MTR: variants seen among roughly 807,000 people sequenced by gnomAD.
MTR encodes the protein methionine synthase.
A neutral mutation model predicts 154.8 loss-of-function variants in MTR; 84 were observed. That is an observed-to-expected ratio of 0.54 (90% CI 0.45 to 0.65). MTR has a LOEUF of 0.65. MTR is among the 30% of genes least tolerant of loss of function. The probability of loss-of-function intolerance (pLI) is 0.00; values close to 1 mark genes in which losing one functional copy is unlikely to be tolerated. For synonymous variants in MTR, 554 were observed against 553.9 expected (o/e 1.00, Z 0.00); for missense variants, 1,275 against 1,570.2 (o/e 0.81, Z 3.18).
intron 23 of MTR, 28 bp from the exon 24 acceptor site, chr1:236,874,698 C>CTT: frequency 1.5e-6 from 2 of 1,358,018 alleles, no homozygotes; most frequent in East Asian, 2.8e-5. Flanking sequence ...CCTTTTTGTC[C>CTT]TTTTTTTTTT....
chr1:236,892,643 T>C (rs1666392543), intron 29 of MTR, among the ~76,000 whole-genome samples: 2 of 152,206 alleles, frequency 1.3e-5, no homozygotes, highest in South Asian at 4.1e-4. Context: ...ATCCTTACCA[T>C]ATGCACTTAG....
chr1:236,874,850 A>G lies in MTR; in HGVS notation c.2594+4A>G, dbSNP rs1308323779. The G allele has an allele frequency of 1.2e-6, 2 of 1,613,772 alleles. No homozygotes were observed. The highest frequency in any genetic ancestry group is 1.3e-5 in the African/African-American group (1 of 75,032). On this transcript the variant is annotated splice_donor_region_variant and intron_variant, in intron 24 of 32. Transcript: ENST00000366577. ...TTGGAGGAGCAACCACTTCAAAGTA[A>G]GTTATACTAATGAGCTTTGTCCTCA...
intron 18 of MTR, among the ~76,000 whole-genome samples, chr1:236,856,511 C>CTTTCT (rs993188125): frequency 2.0e-5 from 3 of 150,214 alleles, no homozygotes; most frequent in Admixed American, 6.6e-5. Flanking sequence ...TGTTCTTCTT[C>CTTTCT]TTTCTTTTTT....
At position 236,900,431 on chromosome 1, in the gene MTR, T is replaced by C. The variant is rs1666869592; in HGVS notation, c.*2787T>C. The C allele has an allele frequency of 6.3e-6, 1 of 158,552 alleles. No homozygotes were observed. The highest frequency in any genetic ancestry group is 1.4e-5 in the Non-Finnish European group (1 of 72,320). The allele number at this position is 158,552 out of a possible 1,614,324, so 9.8% of individuals were successfully genotyped here. On this transcript the variant is annotated 3_prime_UTR_variant, in exon 33 of 33. Coordinates refer to ENST00000366577, the MANE Select transcript of MTR (RefSeq NM_000254.3). Reference sequence around the variant, plus strand: ...TATTAAAAAAAAAGAAGGTAACTGATAAACCAAAATTGAGCATAGTAATTA... The same window carrying C: ...TATTAAAAAAAAAGAAGGTAACTGACAAACCAAAATTGAGCATAGTAATTA...
Position 236,795,647 on chromosome 1 carries a change from C to T in MTR, c.-57C>T, listed in dbSNP as rs2102982612. On this transcript the variant is annotated 5_prime_UTR_variant, in exon 1 of 33. Transcript: ENST00000366577. ...TGGCGTGGCCCTTGGCCGTCGTCACCTGTGGAGAGCACGTCTTCTCTGCCG... is the reference window on the plus strand; with the variant it reads ...TGGCGTGGCCCTTGGCCGTCGTCACTTGTGGAGAGCACGTCTTCTCTGCCG... 1 of 1,611,870 alleles carries T rather than the reference C, an allele frequency of 6.2e-7. No homozygotes were observed. Among genetic ancestry groups the T allele is most frequent in the South Asian group, 1.1e-5 (1 of 91,046 alleles).
intron 19 of MTR, among the ~76,000 whole-genome samples, chr1:236,860,486 G>A (rs1241075926): frequency 6.6e-6 from 1 of 151,604 alleles, no homozygotes; most frequent in Non-Finnish European, 1.5e-5. Flanking sequence ...TGTGGAGCTA[G>A]TTGGCCAATC....
chr1:236,809,102 C>T (rs922671212), intron 4 of MTR, among the ~76,000 whole-genome samples: 1 of 152,208 alleles, frequency 6.6e-6, no homozygotes, highest in African/African-American at 2.4e-5. Context: ...ATCATCATGT[C>T]ATTAAAAGTA....
rs1661861774 is a variant in MTR, at chr1:236,820,427, A to G, written c.765-3692A>G. ...TGCCTATTCAGCAGTTTCCAGCTGA[A>G]GACTGGAGCACTCAGCCTGCCACGG... On this transcript the variant is annotated intron_variant, in intron 8 of 32. Transcript: ENST00000366577. 8 of 1,272,800 alleles carry G rather than the reference A, an allele frequency of 6.3e-6. No individual in the cohort carries two copies. The South Asian group carries it at 9.5e-5, about 15-fold the overall frequency. 78.8% of individuals were successfully genotyped at this position (1,272,800 alleles called of 1,614,324 possible). A position where few individuals can be genotyped will look rare whatever the true frequency, so the allele number is the denominator to read the frequency against.
At chr1:236,852,029 AAACT>A in intron 16 of MTR, among the ~76,000 whole-genome samples, 1 of 152,326 alleles carries the variant, frequency 6.6e-6, no homozygotes, top group Middle Eastern at 3.4e-3. Flanking sequence ...AGATAATGAC[AAACT>A]GTCTCCCTAG....
Position 236,835,640 on chromosome 1 carries a change from A to T in MTR, c.1282A>T (p.Met428Leu). The change falls in exon 14 of 33, where the codon ATG (methionine) becomes TTG (leucine). Residue 428 changes from methionine (M) to leucine (L), a missense_variant. Coordinates refer to ENST00000366577, the MANE Select transcript of MTR (RefSeq NM_000254.3). Reference sequence around the variant, plus strand: ...TGGCATGCTAGATGGTCCAAGTGCAATGACCAGATTTTGCAACTTAATTGC... The same window carrying T: ...TGGCATGCTAGATGGTCCAAGTGCATTGACCAGATTTTGCAACTTAATTGC... ...DDGMLDGPSA[M>L]TRFCNLIASE... is the part of the protein sequence containing the mutation. The T allele has an allele frequency of 6.2e-7, 1 of 1,611,214 alleles. No individual in the cohort carries two copies. The highest frequency in any genetic ancestry group is 8.5e-7 in the Non-Finnish European group (1 of 1,179,522).
At chr1:236,797,593 C>T (rs954771317) in intron 1 of MTR, among the ~76,000 whole-genome samples, 6 of 151,966 alleles carry the variant, frequency 3.9e-5, no homozygotes, top group Non-Finnish European at 5.9e-5. Context: ...CAGCCTAATT[C>T]TTCTCCGGCT....
chr1:236,824,533 A>AGTGG (rs1662170245), intron 9 of MTR, among the ~76,000 whole-genome samples: 1 of 152,052 alleles, frequency 6.6e-6, no homozygotes, highest in African/African-American at 2.4e-5. Flanking sequence ...GAGAAGAGAG[A>AGTGG]CCCCTTTCTC....
intron 2 of MTR, among the ~76,000 whole-genome samples, chr1:236,803,930 T>G (rs1660830076): frequency 6.6e-6 from 1 of 152,218 alleles, no homozygotes; most frequent in South Asian, 2.1e-4. Context: ...GTGAGAAAAC[T>G]ATCTTATTTA....
At chr1:236,876,987 C>T (rs377341941) in intron 24 of MTR, among the ~76,000 whole-genome samples, 3 of 152,344 alleles carry the variant, frequency 2.0e-5, no homozygotes, top group East Asian at 3.9e-4. Flanking sequence ...TGAGCCCTGC[C>T]TCTTCTGGTT....
At chr1:236,854,664 A>G (rs1664100830) in intron 18 of MTR, among the ~76,000 whole-genome samples, 1 of 152,180 alleles carries the variant, frequency 6.6e-6, no homozygotes, top group Admixed American at 6.5e-5. Flanking sequence ...CTGTGTTTTT[A>G]TCTTTTCCCT....
At chr1:236,855,824 C>A (rs1353719393) in intron 18 of MTR, among the ~76,000 whole-genome samples, 1 of 152,170 alleles carries the variant, frequency 6.6e-6, no homozygotes, top group Non-Finnish European at 1.5e-5. Flanking sequence ...GTGCCTGGGT[C>A]TGGTCTTCCT....
At chr1:236,863,299 T>G (rs1664652333) in intron 21 of MTR, among the ~76,000 whole-genome samples, 155 bp from the exon 22 acceptor site, 1 of 152,264 alleles carries the variant, frequency 6.6e-6, no homozygotes. Context: ...GTGGGCCTCC[T>G]TTGAACTGTT....
Position 236,859,871 on chromosome 1 carries a change from T to C in MTR, c.1992T>C (p.Asp664=). 2 of 1,614,020 alleles carry C rather than the reference T, an allele frequency of 1.2e-6. No individual in the cohort carries two copies. The highest frequency in any genetic ancestry group is 1.1e-5 in the South Asian group (1 of 91,082). The change falls in exon 19 of 33, where the codon GAT becomes GAC. Residue 664 remains aspartate, a synonymous_variant. Transcript: ENST00000366577. ...GTGGKKVIQT[D]EWRNGPVEER... is the part of the protein sequence containing the mutation. ...GAGGGAAGAAAGTCATTCAGACTGATGAGTGGAGAAATGGCCCTGTCGAAG... is the reference window on the plus strand; with the variant it reads ...GAGGGAAGAAAGTCATTCAGACTGACGAGTGGAGAAATGGCCCTGTCGAAG...
chr1:236,820,070 TTGCG>T, intron 8 of MTR: 1 of 780,432 alleles, frequency 1.3e-6, no homozygotes, highest in Non-Finnish European at 2.3e-6. Flanking sequence ...CTGCCTACCA[TTGCG>T]CTGTGTAACA....
Sources: gnomAD v4.1 joint callset for allele counts (sites outside exome capture counted in the v4.1 genomes callset) on GRCh38, gnomAD v4.1.1 for gene constraint, MANE v1.5 for transcripts, NCBI Gene and HGNC (gene_info 2026-07-23, HGNC 2026-07-21) for gene names.